Variants in TRPM5 observed in about 807,000 individuals in gnomAD.
The protein encoded by TRPM5 is MLSN1 and TRP-related.
Under a neutral mutation model 124.9 loss-of-function variants are expected in TRPM5, and 121 were observed. The observed-to-expected ratio is 0.97, with a 90% CI of 0.84 to 1.13. TRPM5 has a LOEUF of 1.13. Ranked by LOEUF, TRPM5 falls within the 50% of genes most tolerant of loss-of-function variation. The pLI, the probability that TRPM5 is intolerant of heterozygous loss-of-function variation, is 0.00. For missense variants in TRPM5, 1,643 were observed against 1,589.1 expected, an observed-to-expected ratio of 1.03 and a Z score of -0.58; for synonymous variants, 781 against 700.5, an observed-to-expected ratio of 1.11 and a Z score of -1.81.
chr11:2,409,367 G>A (rs800347), intron 18 of TRPM5, among the ~76,000 whole-genome samples: 92,120 of 151,892 alleles, frequency 0.61, 28,872 homozygotes, highest in African/African-American at 0.75. Flanking sequence ...GTCTGATAAA[G>A]GCAGCTCTGA....
chr11:2,408,028 T>G, intron 18 of TRPM5, 116 bp from the exon 24 acceptor site: 3 of 1,357,120 alleles, frequency 2.2e-6, no homozygotes, highest in Non-Finnish European at 3.0e-6. Context: ...GACGGGGTGC[T>G]GGTTGGGTGA....
chr11:2,410,333 A>G (rs1051229419), intron 18 of TRPM5, among the ~76,000 whole-genome samples: 2 of 152,096 alleles, frequency 1.3e-5, no homozygotes, highest in African/African-American at 4.8e-5. Flanking sequence ...GAGGGTCCTG[A>G]GCGCCACTCC....
rs1404010362 is a variant in TRPM5, at chr11:2,413,651, C to T, written c.1891-63G>A. ...CCTTTGCCCAGGCTGCGCCCTGCCCCAGGAATGCCCTTCCCCCAGGTGCCT... is the reference window on the plus strand; with the variant it reads ...CCTTTGCCCAGGCTGCGCCCTGCCCTAGGAATGCCCTTCCCCCAGGTGCCT... On this transcript the variant is annotated intron_variant, in intron 12 of 23. Transcript: ENST00000155858. 2.7e-6 allele frequency: 4 copies of T among 1,466,102 alleles called. No homozygotes were observed. The African/African-American group carries it at 4.2e-5, about 15-fold the overall frequency. 90.8% of individuals were successfully genotyped at this position (1,466,102 alleles called of 1,614,324 possible).
At chr11:2,404,998 T>G in exon 24 of TRPM5, 1 of 1,612,778 alleles carries the variant, frequency 6.2e-7, no homozygotes, top group East Asian at 2.2e-5. Flanking sequence ...ACCACCTCTG[T>G]GGTCAGCAGC....
chr11:2,407,389 G>T, intron 19 of TRPM5, 89 bp from the exon 25 acceptor site: 1 of 1,340,140 alleles, frequency 7.5e-7, no homozygotes, highest in Non-Finnish European at 1.0e-6. Context: ...CTGTTGGGGA[G>T]CCCTTTTTGA....
intron 18 of TRPM5, among the ~76,000 whole-genome samples, chr11:2,408,789 C>T (rs1178889331): frequency 1.1e-4 from 17 of 152,328 alleles, no homozygotes; most frequent in South Asian, 2.1e-4. Flanking sequence ...GTGCCCTGGC[C>T]GTCCAGGACC....
chr11:2,416,797 G>T lies in TRPM5; in HGVS notation c.1010-773C>A, dbSNP rs371423585. ...GCCAGCGTCCAGCCCTTCAGCACGCGTTCGTCTCCAGCAAAAAGCACATCA... is the reference window on the plus strand; with the variant it reads ...GCCAGCGTCCAGCCCTTCAGCACGCTTTCGTCTCCAGCAAAAAGCACATCA... On this transcript the variant is annotated intron_variant, in intron 7 of 23. Coordinates refer to ENST00000155858, the Ensembl canonical transcript of TRPM5. Among the ~76,000 whole-genome samples the T allele has an allele frequency of 1.8e-3, 273 of 152,276 alleles. 1 individual carries two copies. The highest frequency in any genetic ancestry group is 6.2e-3 in the African/African-American group (257 of 41,530).
At chr11:2,443,556 C>T in the TRPM5 span, among the ~76,000 whole-genome samples, 1 of 152,250 alleles carries the variant, frequency 6.6e-6, no homozygotes, top group Non-Finnish European at 1.5e-5. The surrounding 1 kb of genome is among the most constrained non-coding windows in gnomAD (Gnocchi z 5.0). Context: ...AGACTGTGCA[C>T]TCCTGTGTGG....
At chr11:2,405,936 C>A in intron 22 of TRPM5, 83 bp downstream of exon 27, 2 of 1,257,588 alleles carry the variant, frequency 1.6e-6, no homozygotes, top group Non-Finnish European at 2.3e-6. Context: ...TGTGAGTGAC[C>A]GGGCAGGGCT....
chr11:2,405,645 G>T (rs552751434), intron 22 of TRPM5, 52 bp from the exon 28 acceptor site: 12 of 1,538,792 alleles, frequency 7.8e-6, no homozygotes, highest in Non-Finnish European at 1.1e-5. Flanking sequence ...CAGGACAGCA[G>T]GGGACAGGCA....
At chr11:2,418,417 A>C (rs1845717737) in intron 5 of TRPM5, 59 bp from the exon 11 acceptor site, 1 of 1,514,342 alleles carries the variant, frequency 6.6e-7, no homozygotes, top group South Asian at 1.2e-5. Flanking sequence ...ATCTGGATGC[A>C]GGTGTCAGGG....
At chr11:2,433,149 G>T in the TRPM5 span, among the ~76,000 whole-genome samples, 1,800 of 152,354 alleles carry the variant, frequency 0.012, 36 homozygotes, top group African/African-American at 0.042. Context: ...GGGCAACCTT[G>T]ACCCCATCAC....
intron 18 of TRPM5, among the ~76,000 whole-genome samples, chr11:2,408,590 G>T (rs1209874578): frequency 2.6e-5 from 4 of 152,236 alleles, no homozygotes; most frequent in Admixed American, 2.6e-4. Context: ...CCCTGGGCAG[G>T]GACACCCTGG....
At chr11:2,411,875 T>G in intron 16 of TRPM5, 108 bp from the exon 22 acceptor site, 2 of 1,389,616 alleles carry the variant, frequency 1.4e-6, no homozygotes, top group Non-Finnish European at 2.0e-6. Flanking sequence ...AGGCCAGGAC[T>G]CCTTGGGCCC....
intron 4 of TRPM5, 65 bp downstream of exon 9, chr11:2,420,157 A>T: frequency 1.3e-6 from 2 of 1,524,174 alleles, no homozygotes; most frequent in Non-Finnish European, 1.8e-6. Context: ...CCACTCTCCC[A>T]CAGGCGGGTC....
intron 22 of TRPM5, 91 bp from the exon 28 acceptor site, chr11:2,405,684 GCC>G: frequency 1.5e-6 from 2 of 1,369,164 alleles, no homozygotes; most frequent in Non-Finnish European, 2.0e-6. Flanking sequence ...TCCTGCCAGG[GCC>G]CCCGCTGCCC....
upstream of TRPM5, among the ~76,000 whole-genome samples, chr11:2,424,262 G>C (rs2133538925): frequency 6.6e-6 from 1 of 152,334 alleles, no homozygotes; most frequent in African/African-American, 2.4e-5. Context: ...TGTGACCCCA[G>C]GAGGGGATAC....
At chr11:2,415,563 T>A in intron 8 of TRPM5, 92 bp from the exon 14 acceptor site, 1 of 893,638 alleles carries the variant, frequency 1.1e-6, no homozygotes, top group Non-Finnish European at 1.7e-6. Context: ...GCAGGGAGCA[T>A]GGGGATCCAT....
In TRPM5 at chr11:2,405,513, C is replaced by A. The variant is rs753122807; in HGVS notation, c.3391+14G>T. 6.4e-7 allele frequency: 1 copy of A among 1,554,448 alleles called. No individual in the cohort carries two copies. The highest frequency in any genetic ancestry group is 2.4e-5 in the East Asian group (1 of 41,452). On this transcript the variant is annotated intron_variant, in intron 23 of 23. Transcript: ENST00000155858. ...CATGCCCACCCTCATCCCACGCTCC[C>A]CAAACAGGCTTACTCCGGGGGCCGC...
Sources: gnomAD v4.1 joint callset for allele counts (sites outside exome capture counted in the v4.1 genomes callset) on GRCh38, gnomAD v4.1.1 for gene constraint, Gnocchi (gnomAD v3.1) non-coding constraint, MANE v1.5 for transcripts, NCBI Gene and HGNC (gene_info 2026-07-23, HGNC 2026-07-21) for gene names.